CCDC42: variants seen among roughly 807,000 people sequenced by gnomAD.
CCDC42 encodes coiled-coil domain containing 42.
CCDC42 carries 38 observed loss-of-function variants against 40.8 expected under a neutral mutation model. The observed-to-expected ratio is 0.93, with a 90% confidence interval of 0.72 to 1.22. The LOEUF (loss-of-function observed/expected upper bound fraction) is 1.22, where lower values mean the gene tolerates loss of function less well. Among genes scored for constraint, CCDC42 ranks in the 50% most tolerant of loss-of-function variants. The pLI is 0.00. For synonymous variants in CCDC42, 135 were observed against 157.5 expected (o/e 0.86, Z 1.07); for missense variants, 379 against 416.5 (o/e 0.91, Z 0.78).
At chr17:8,741,786 G>C in intron 3 of CCDC42, 115 bp from the exon 4 acceptor site, 1 of 1,010,512 alleles carries the variant, frequency 9.9e-7, no homozygotes. Context: ...AACCATCCTG[G>C]CAACAGGCAG....
chr17:8,735,329 A>G lies in CCDC42; in HGVS notation c.714+61T>C, dbSNP rs937342803. The G allele has an allele frequency of 7.5e-6, 12 of 1,607,074 alleles. No homozygotes were observed. The highest frequency in any genetic ancestry group is 1.7e-4 in the Middle Eastern group (1 of 6,050). Reference sequence around the variant, plus strand: ...TGTTTGTGTGTATGTGTGTGTGTGTATGCTCAGGGCCCGCACTCACCCAGT... The same window carrying G: ...TGTTTGTGTGTATGTGTGTGTGTGTGTGCTCAGGGCCCGCACTCACCCAGT... On this transcript the variant is annotated intron_variant, in intron 5 of 6. Transcript: ENST00000293845. This position sits in a 1 kb window ranked among gnomAD's most constrained non-coding sequence, Gnocchi z 4.7.
chr17:8,735,734 C>T lies in CCDC42; in HGVS notation c.493-123G>A. 1.3e-6 allele frequency: 1 copy of T among 769,704 alleles called. No individual in the cohort carries two copies. Among genetic ancestry groups the T allele is most frequent in the Non-Finnish European group, 2.1e-6 (1 of 485,718 alleles). 47.7% of individuals were successfully genotyped at this position (769,704 alleles called of 1,614,324 possible). A position where few individuals can be genotyped will look rare whatever the true frequency, so the allele number is the denominator to read the frequency against. ...GACACCTGGGCAGGCAGGCCCTTGGCCAGGGTCACGGCCAGAGGCTGTGAG... is the reference window on the plus strand; with the variant it reads ...GACACCTGGGCAGGCAGGCCCTTGGTCAGGGTCACGGCCAGAGGCTGTGAG... On this transcript the variant is annotated intron_variant, in intron 4 of 6. Transcript: ENST00000293845. The surrounding 1 kb of genome is among the most constrained non-coding windows in gnomAD (Gnocchi z 4.7).
chr17:8,741,691 C>T lies in CCDC42; in HGVS notation c.295-20G>A, dbSNP rs780734640. 8.7e-6 allele frequency: 14 copies of T among 1,608,334 alleles called. No homozygotes were observed. The highest frequency in any genetic ancestry group is 6.7e-5 in the Admixed American group (4 of 59,312). On this transcript the variant is annotated intron_variant, in intron 3 of 6. Coordinates refer to ENST00000293845, the MANE Select transcript of CCDC42 (RefSeq NM_144681.3). The stretch of plus-strand genomic sequence containing the variant: ...GTTCTCCTGGGGCCCGGGGAGGTGG[C>T]GCTGGTCAGGAAGCCTCGCCCAGCC...
intron 6 of CCDC42, 130 bp from the exon 7 acceptor site, chr17:8,730,337 TTTTA>T (rs749888927): frequency 4.1e-5 from 25 of 609,760 alleles, no homozygotes; most frequent in Non-Finnish European, 6.7e-5. Context: ...CTTTTTAAAT[TTTTA>T]TTTATTTATT....
chr17:8,741,725 G>C, intron 3 of CCDC42, 54 bp from the exon 4 acceptor site: 1 of 1,555,698 alleles, frequency 6.4e-7, no homozygotes, highest in Middle Eastern at 2.3e-4. Context: ...CCCTCCCGGG[G>C]CCCAGGCCTT....
At chr17:8,730,450 G>A (rs187544764) in intron 6 of CCDC42, among the ~76,000 whole-genome samples, 141 of 152,200 alleles carry the variant, frequency 9.3e-4, no homozygotes, top group African/African-American at 1.3e-3. Context: ...AGCAATTCTC[G>A]TGTCTCAGCC....
Position 8,743,658 on chromosome 17 carries a change from C to T in CCDC42, c.262G>A (p.Ala88Thr). The T allele has an allele frequency of 6.2e-7, 1 of 1,612,610 alleles. No homozygotes were observed. Among genetic ancestry groups the T allele is most frequent in the African/African-American group, 1.3e-5 (1 of 74,966 alleles). ...ELGVKEAQLK[A>T]HIQKSEQFIQ... ...AACTGCTCAGACTTCTGGATGTGAG[C>T]CTTCAGTTGGGCTTCCTTAACGCCC... The change falls in exon 3 of 7, where the codon GCT becomes ACT. Residue 88 changes from alanine (A) to threonine (T), a missense_variant. By Grantham distance (58) the Ala-to-Thr change is moderately conservative. Transcript: ENST00000293845.
chr17:8,739,532 A>T (rs530620670), intron 4 of CCDC42, among the ~76,000 whole-genome samples: 17 of 152,290 alleles, frequency 1.1e-4, no homozygotes, highest in African/African-American at 3.6e-4. Flanking sequence ...GACACATCTT[A>T]CAATTTTTTT....
intron 4 of CCDC42, among the ~76,000 whole-genome samples, chr17:8,738,464 ATTTT>A (rs60710929): frequency 6.4e-4 from 90 of 139,638 alleles, no homozygotes; most frequent in Non-Finnish European, 6.4e-4. Context: ...ATGATTTGAG[ATTTT>A]TTTTTTTTTT....
chr17:8,734,157 TC>T (rs112374561), intron 6 of CCDC42, among the ~76,000 whole-genome samples: 13 of 152,328 alleles, frequency 8.5e-5, no homozygotes, highest in African/African-American at 2.9e-4. Flanking sequence ...GAAACTTTTT[TC>T]CATAAAAAAT....
chr17:8,734,247 A>G (rs2086597071), intron 6 of CCDC42, among the ~76,000 whole-genome samples: 1 of 152,210 alleles, frequency 6.6e-6, no homozygotes, highest in South Asian at 2.1e-4. Flanking sequence ...TTCTGTTTTA[A>G]TTTCTATTGT....
rs535852220 is a variant in CCDC42 at position 8,731,841 on chromosome 17, G to A, written c.874-1634C>T. On this transcript the variant is annotated intron_variant, in intron 6 of 6. Coordinates refer to ENST00000293845, the MANE Select transcript of CCDC42 (RefSeq NM_144681.3). ...TGAGTGATGAAATAACCTGTACAAC[G>A]AACCCTTGTGACATGAGTTTACCTA... is the stretch of plus-strand genomic sequence containing the variant. 7.2e-5 allele frequency among the ~76,000 whole-genome samples: 11 copies of A among 152,218 alleles called. No individual in the cohort carries two copies. In the East Asian group the frequency reaches 2.1e-3, roughly 29 times the overall value.
chr17:8,735,059 C>T lies in CCDC42; in HGVS notation c.873+37G>A, dbSNP rs374878268. ...CAACTGGCAACCTCCTCGGCCCAGCCGACCCCACGGGCCCAGTGCCTGTCC... is the reference window on the plus strand; with the variant it reads ...CAACTGGCAACCTCCTCGGCCCAGCTGACCCCACGGGCCCAGTGCCTGTCC... On this transcript the variant is annotated intron_variant, in intron 6 of 6. Transcript: ENST00000293845. The surrounding 1 kb of genome is among the most constrained non-coding windows in gnomAD (Gnocchi z 4.7). The T allele has an allele frequency of 2.2e-5, 35 of 1,610,766 alleles. No individual in the cohort carries two copies. Among genetic ancestry groups the T allele is most frequent in the African/African-American group, 1.6e-4 (12 of 74,866 alleles).
chr17:8,740,357 G>A lies in CCDC42; in HGVS notation c.492+1117C>T, dbSNP rs796748449. ...ACAAAAATTAGCTGGGCGTGATGGCGGGTGCCTATAATCCCAGCTACTCGG... is the reference window on the plus strand; with the variant it reads ...ACAAAAATTAGCTGGGCGTGATGGCAGGTGCCTATAATCCCAGCTACTCGG... On this transcript the variant is annotated intron_variant, in intron 4 of 6. Transcript: ENST00000293845. Among the ~76,000 whole-genome samples, 43 of 152,112 alleles carry A rather than the reference G, an allele frequency of 2.8e-4. 1 individual carries two copies. The highest frequency in any genetic ancestry group is 8.7e-4 in the African/African-American group (36 of 41,478).
intron 6 of CCDC42, among the ~76,000 whole-genome samples, chr17:8,734,307 A>G (rs2086597302): frequency 1.3e-5 from 2 of 152,218 alleles, no homozygotes; most frequent in African/African-American, 2.4e-5. Flanking sequence ...GGAATCCTCA[A>G]TAAACTCTAG....
intron 6 of CCDC42, among the ~76,000 whole-genome samples, chr17:8,732,297 T>TA (rs2086585832): frequency 3.4e-5 from 1 of 29,650 alleles, no homozygotes; most frequent in African/African-American, 1.7e-4. Flanking sequence ...AGACTCCGTC[T>TA]CAAAAAAAAA....
At chr17:8,731,075 C>T (rs538683588) in intron 6 of CCDC42, among the ~76,000 whole-genome samples, 4 of 152,262 alleles carry the variant, frequency 2.6e-5, no homozygotes, top group South Asian at 2.1e-4. Context: ...GCTGGGCCCC[C>T]GTCGCAGGTC....
rs1480623360 is a variant in CCDC42, at chr17:8,744,740, A to G, written c.-131T>C. The G allele has an allele frequency of 1.5e-6, 1 of 680,524 alleles. No homozygotes were observed. Among genetic ancestry groups the G allele is most frequent in the Non-Finnish European group, 2.6e-6 (1 of 379,438 alleles). 42.2% of individuals were successfully genotyped at this position (680,524 alleles called of 1,614,324 possible). On this transcript the variant is annotated 5_prime_UTR_variant, in exon 1 of 7. Coordinates refer to ENST00000293845, the MANE Select transcript of CCDC42 (RefSeq NM_144681.3). ...TTCGGCCTACAGGGTCCCACAGATG[A>G]TGGAGTTTGAGACTCCACAGAAGGT... is the stretch of plus-strand genomic sequence containing the variant.
At chr17:8,742,040 T>C (rs1182299585) in intron 3 of CCDC42, among the ~76,000 whole-genome samples, 1 of 151,942 alleles carries the variant, frequency 6.6e-6, no homozygotes, top group Non-Finnish European at 1.5e-5. Flanking sequence ...TACATTGCAC[T>C]GGGCTCACGG....
Sources: allele counts gnomAD v4.1 joint callset (sites outside exome capture counted in the v4.1 genomes callset), GRCh38; gene constraint gnomAD v4.1.1; non-coding constraint Gnocchi (gnomAD v3.1); transcripts MANE v1.5; gene names NCBI Gene and HGNC (gene_info 2026-07-23, HGNC 2026-07-21).